The following MIPOL1 variants were observed in gnomAD, a reference collection of about 807,000 sequenced individuals.
The protein encoded by MIPOL1 is mirror-image polydactyly gene 1 protein.
In MIPOL1, 57 loss-of-function variants were observed where a neutral mutation model predicts 60.9. That is an observed-to-expected ratio of 0.94 (90% CI 0.76 to 1.17). The LOEUF (loss-of-function observed/expected upper bound fraction) is 1.17. MIPOL1 is among the 50% of genes most tolerant of loss of function. The pLI is 0.00. For synonymous variants in MIPOL1, 179 were observed against 168.8 expected (o/e 1.06, Z -0.47); for missense variants, 551 against 511.6 (o/e 1.08, Z -0.74).
intron 9 of MIPOL1, among the ~76,000 whole-genome samples, chr14:37,315,175 G>A (rs2087742378): frequency 6.6e-6 from 1 of 152,184 alleles, no homozygotes. Context: ...AAGACTTGAA[G>A]AAGAGAAGTA....
At chr14:37,211,706 T>C (rs548956170) in intron 1 of MIPOL1, among the ~76,000 whole-genome samples, 3 of 152,038 alleles carry the variant, frequency 2.0e-5, no homozygotes, top group South Asian at 2.1e-4. Context: ...TGGACTGTGG[T>C]TGGGGGGCAT....
chr14:37,460,989 A>T (rs1594475754), intron 11 of MIPOL1, among the ~76,000 whole-genome samples: 1 of 152,340 alleles, frequency 6.6e-6, no homozygotes, highest in South Asian at 2.1e-4. Flanking sequence ...ATTTCACAGA[A>T]TTAGAAAAAA....
chr14:37,393,130 A>G (rs1595562783), intron 10 of MIPOL1, among the ~76,000 whole-genome samples: 1 of 152,214 alleles, frequency 6.6e-6, no homozygotes, highest in East Asian at 1.9e-4. Context: ...AATGTGAAAG[A>G]TTGATGGCAA....
chr14:37,310,539 T>G (rs553983352), intron 9 of MIPOL1, among the ~76,000 whole-genome samples: 1 of 152,292 alleles, frequency 6.6e-6, no homozygotes, highest in South Asian at 2.1e-4. Context: ...TTAAAGACAA[T>G]CTCTCTATTT....
At position 37,394,067 on chromosome 14, in the gene MIPOL1, T is replaced by TATATATACACACAC. The variant is rs1471267118; in HGVS notation, c.936+24450_936+24451insCACACACATATATA. Among the ~76,000 whole-genome samples the TATATATACACACAC allele has an allele frequency of 1.7e-3, 222 of 132,608 alleles. 14 individuals are homozygous for TATATATACACACAC. Among genetic ancestry groups the TATATATACACACAC allele is most frequent in the African/African-American group, 5.6e-3 (201 of 35,952 alleles). The allele number at this position is 132,608 out of a possible 152,430, so 87.0% of individuals were successfully genotyped here. ...ATGGCTTAGTAGTGGCATATATATA[T>TATATATACACACAC]ATATATATATATATATATCTCCATG... On this transcript the variant is annotated intron_variant, in intron 10 of 12. Coordinates refer to ENST00000684589, the MANE Select transcript of MIPOL1 (RefSeq NM_001388067.1).
chr14:37,503,838 C>T (rs1024249571), intron 12 of MIPOL1: 1 of 152,126 alleles, frequency 6.6e-6, no homozygotes, highest in Non-Finnish European at 1.5e-5. Context: ...CAAGACCCAT[C>T]AGTGTGCTGT....
intron 12 of MIPOL1, among the ~76,000 whole-genome samples, chr14:37,535,619 G>A (rs2095502697): frequency 6.6e-6 from 1 of 152,138 alleles, no homozygotes; most frequent in Non-Finnish European, 1.5e-5. Flanking sequence ...TGCTATGGAT[G>A]AAAACTCCTT....
intron 6 of MIPOL1, among the ~76,000 whole-genome samples, chr14:37,271,482 T>G (rs1469435909): frequency 6.6e-6 from 1 of 151,806 alleles, no homozygotes. Flanking sequence ...TAAAATATGA[T>G]TGTGGAAAAT....
chr14:37,551,483 A>G (rs999660773), downstream of MIPOL1: 4 of 152,270 alleles, frequency 2.6e-5, no homozygotes, highest in African/African-American at 7.2e-5. Flanking sequence ...CTATTTAGAT[A>G]TAAAATAAAA....
intron 1 of MIPOL1, among the ~76,000 whole-genome samples, chr14:37,239,867 T>C (rs1405616040): frequency 6.6e-6 from 1 of 152,198 alleles, no homozygotes; most frequent in African/African-American, 2.4e-5. Flanking sequence ...TTTACTATCT[T>C]TAAAATCTTC....
chr14:37,500,395 A>G (rs557260843), intron 12 of MIPOL1, among the ~76,000 whole-genome samples: 28 of 152,282 alleles, frequency 1.8e-4, no homozygotes, highest in Non-Finnish European at 3.8e-4. Context: ...CATGGAGGCC[A>G]TACTATTTAA....
At chr14:37,339,602 T>TAAAATGGAATACTATTTAGCATG (rs1160914388) in intron 9 of MIPOL1, among the ~76,000 whole-genome samples, 90 of 152,284 alleles carry the variant, frequency 5.9e-4, no homozygotes, top group African/African-American at 1.5e-3. Context: ...GGTATATGCA[T>TAAAATGGAATACTATTTAGCATG]AAAATGGAAT....
intron 1 of MIPOL1, among the ~76,000 whole-genome samples, chr14:37,208,235 T>C (rs1966413864): frequency 6.6e-6 from 1 of 152,192 alleles, no homozygotes; most frequent in South Asian, 2.1e-4. Context: ...TTTCAATATG[T>C]GTGGTTTTAT....
intron 7 of MIPOL1, among the ~76,000 whole-genome samples, chr14:37,304,894 CA>C (rs936633027): frequency 7.9e-5 from 12 of 151,728 alleles, no homozygotes; most frequent in Admixed American, 2.0e-4. Flanking sequence ...TTAAAGTTTA[CA>C]AAAGGTTGAA....
chr14:37,273,026 C>T (rs1006497378), intron 6 of MIPOL1, among the ~76,000 whole-genome samples: 1 of 150,884 alleles, frequency 6.6e-6, no homozygotes, highest in African/African-American at 2.4e-5. Context: ...TAAAGATATT[C>T]ATATAATATT....
At chr14:37,420,831 G>A (rs1595702225) in intron 10 of MIPOL1, among the ~76,000 whole-genome samples, 1 of 152,234 alleles carries the variant, frequency 6.6e-6, no homozygotes, top group East Asian at 1.9e-4. Context: ...GGGGGATGAA[G>A]TTCATTGTAG....
At chr14:37,306,635 A>G (rs1048929443) in intron 7 of MIPOL1, among the ~76,000 whole-genome samples, 1 of 151,846 alleles carries the variant, frequency 6.6e-6, no homozygotes, top group Admixed American at 6.6e-5. Flanking sequence ...TATTTAGCCA[A>G]CCAATTACTG....
intron 12 of MIPOL1, among the ~76,000 whole-genome samples, chr14:37,524,655 G>T (rs1594872533): frequency 6.8e-6 from 1 of 146,246 alleles, no homozygotes. Flanking sequence ...GCAACCTCTG[G>T]CTCCCAGGTT....
intron 7 of MIPOL1, among the ~76,000 whole-genome samples, chr14:37,295,904 A>G (rs2085619245): frequency 6.6e-6 from 1 of 152,122 alleles, no homozygotes; most frequent in East Asian, 1.9e-4. Context: ...ACGAGACAGA[A>G]AGTTAACAAG....
Sources: gnomAD v4.1 joint callset for allele counts (sites outside exome capture counted in the v4.1 genomes callset) on GRCh38, gnomAD v4.1.1 for gene constraint, MANE v1.5 for transcripts, NCBI Gene and HGNC (gene_info 2026-07-23, HGNC 2026-07-21) for gene names.